GABRR3: variants seen among roughly 807,000 people sequenced by gnomAD.
GABRR3 encodes gamma-aminobutyric acid receptor subunit rho-3.
Under a neutral mutation model 43.2 loss-of-function variants are expected in GABRR3, and 29 were observed. That is an observed-to-expected ratio of 0.67 (90% CI 0.50 to 0.92). The LOEUF is 0.92. GABRR3 is among the 40% of genes least tolerant of loss of function. The pLI is 0.00. For synonymous variants in GABRR3, 206 were observed against 195.9 expected (o/e 1.05, Z -0.43); for missense variants, 576 against 572.3 (o/e 1.01, Z -0.07).
At chr3:97,988,047 C>T (rs832101) in intron 9 of GABRR3, among the ~76,000 whole-genome samples, 21,490 of 151,902 alleles carry the variant, frequency 0.14, 1,917 homozygotes, top group South Asian at 0.27. Flanking sequence ...GCATACGATT[C>T]ATCCATGGCT....
rs910954177 is a variant in GABRR3, at chr3:98,025,451, C to CT, written c.238+115dup. The CT allele has an allele frequency of 1.2e-4, 74 of 627,904 alleles. 3 individuals carry two copies. The Middle Eastern group carries it at 0.01, about 88-fold the overall frequency. 38.9% of individuals were successfully genotyped at this position (627,904 alleles called of 1,614,324 possible). A position where few individuals can be genotyped will look rare whatever the true frequency, so the allele number is the denominator to read the frequency against. On this transcript the variant is annotated intron_variant, in intron 3 of 9. Transcript: ENST00000621172. ...AAGAGAAGGTGATTGTAAAAGCCTTCTTTTTTTGTTTTAAACTGATGGACT... is the reference window on the plus strand; with the variant it reads ...AAGAGAAGGTGATTGTAAAAGCCTTCTTTTTTTTGTTTTAAACTGATGGACT...
chr3:98,004,429 A>G (rs1209208115), intron 7 of GABRR3, among the ~76,000 whole-genome samples: 3 of 152,196 alleles, frequency 2.0e-5, no homozygotes, highest in Admixed American at 6.5e-5. Flanking sequence ...TGATAGAGAC[A>G]GGGTTTGAAC....
At chr3:98,025,367 T>C (rs770724663) in intron 3 of GABRR3, among the ~76,000 whole-genome samples, 200 bp downstream of exon 3, 2 of 152,260 alleles carry the variant, frequency 1.3e-5, no homozygotes, top group African/African-American at 2.4e-5. Context: ...GTGTGCATAG[T>C]AGGAAAATGA....
At chr3:98,031,582 C>CA (rs905840325) in intron 2 of GABRR3, among the ~76,000 whole-genome samples, 1 of 151,378 alleles carries the variant, frequency 6.6e-6, no homozygotes, top group Non-Finnish European at 1.5e-5. Flanking sequence ...CAATCTCTAC[C>CA]AAAAAAATAT....
At chr3:98,000,964 C>T (rs1166313659) in intron 8 of GABRR3, 1 of 152,150 alleles carries the variant, frequency 6.6e-6, no homozygotes, top group Non-Finnish European at 1.5e-5. Flanking sequence ...AGGCATATAG[C>T]ATGTTAGACG....
At chr3:97,985,323 A>G (rs1706370011), downstream of GABRR3, among the ~76,000 whole-genome samples, 2 of 152,240 alleles carry the variant, frequency 1.3e-5, no homozygotes, top group Admixed American at 1.3e-4. Context: ...GACCTGGTTT[A>G]CTTGGTTCGA....
intron 8 of GABRR3, 130 bp from the exon 9 acceptor site, chr3:97,993,178 T>A: frequency 1.6e-6 from 1 of 626,128 alleles, no homozygotes; most frequent in Non-Finnish European, 2.6e-6. Flanking sequence ...GGAAGGTGTG[T>A]GCATGTTGAC....
intron 3 of GABRR3, among the ~76,000 whole-genome samples, chr3:98,018,720 T>A (rs1440552361): frequency 6.6e-6 from 1 of 152,214 alleles, no homozygotes; most frequent in Admixed American, 6.5e-5. Flanking sequence ...AACCTTATTG[T>A]CTCTATAGTC....
At chr3:98,010,412 T>C (rs1181266124) in intron 5 of GABRR3, among the ~76,000 whole-genome samples, 1 of 152,098 alleles carries the variant, frequency 6.6e-6, no homozygotes, top group Non-Finnish European at 1.5e-5. Flanking sequence ...AGTAGCCACA[T>C]AGTAATGACT....
intron 3 of GABRR3, among the ~76,000 whole-genome samples, chr3:98,023,416 GC>G (rs1022694987): frequency 6.6e-6 from 1 of 152,052 alleles, no homozygotes; most frequent in Non-Finnish European, 1.5e-5. Context: ...TGTGACTGGC[GC>G]CCCCTGGTGG....
intron 9 of GABRR3, among the ~76,000 whole-genome samples, chr3:97,990,768 G>A (rs963504229): frequency 4.0e-5 from 6 of 150,622 alleles, no homozygotes; most frequent in African/African-American, 1.5e-4. Context: ...TTAGAATGGT[G>A]GTTTCCAGGG....
intron 7 of GABRR3, 114 bp downstream of exon 7, chr3:98,007,650 G>A: frequency 9.1e-7 from 1 of 1,104,566 alleles, no homozygotes; most frequent in South Asian, 1.4e-5. Context: ...AGGAATGATG[G>A]TGCTGGCCAA....
chr3:98,001,813 G>A (rs1260559225), intron 7 of GABRR3, 46 bp from the exon 8 acceptor site: 1 of 1,606,218 alleles, frequency 6.2e-7, no homozygotes, highest in Non-Finnish European at 8.5e-7. Flanking sequence ...CTTCCCCTTA[G>A]AAACACTGCA....
chr3:97,992,439 C>A (rs1215072028), intron 9 of GABRR3, among the ~76,000 whole-genome samples: 1 of 152,114 alleles, frequency 6.6e-6, no homozygotes, highest in African/African-American at 2.4e-5. Context: ...AAAATACTGA[C>A]CTTGGTGTGA....
intron 2 of GABRR3, among the ~76,000 whole-genome samples, chr3:98,034,616 C>G (rs1300930726): frequency 6.6e-6 from 1 of 151,972 alleles, no homozygotes; most frequent in Admixed American, 6.6e-5. Flanking sequence ...TTACATGAAC[C>G]CTTTAACTGT....
chr3:98,013,105 A>G (rs780635847), intron 4 of GABRR3, among the ~76,000 whole-genome samples: 2 of 152,350 alleles, frequency 1.3e-5, no homozygotes, highest in East Asian at 3.9e-4. Flanking sequence ...CCTGGGACAG[A>G]GACAGAATCA....
intron 9 of GABRR3, among the ~76,000 whole-genome samples, chr3:97,987,624 CA>C (rs1170067240): frequency 2.6e-5 from 4 of 152,158 alleles, no homozygotes; most frequent in African/African-American, 9.7e-5. Context: ...GCTGCCAAAA[CA>C]TGTCTTCGAT....
chr3:98,031,247 G>C (rs11923503), intron 2 of GABRR3, among the ~76,000 whole-genome samples: 37,195 of 152,164 alleles, frequency 0.24, 4,824 homozygotes, highest in East Asian at 0.45. Flanking sequence ...GTCTCTGTCA[G>C]ATCACAAGCT....
At chr3:98,009,757 G>A (rs1246836109) in intron 5 of GABRR3, among the ~76,000 whole-genome samples, 1 of 152,164 alleles carries the variant, frequency 6.6e-6, no homozygotes, top group Admixed American at 6.5e-5. Context: ...AAAAACAAAG[G>A]CAACAGATGC....
Sources: gnomAD v4.1 joint callset for allele counts (sites outside exome capture counted in the v4.1 genomes callset) on GRCh38, gnomAD v4.1.1 for gene constraint, MANE v1.5 for transcripts, NCBI Gene and HGNC (gene_info 2026-07-23, HGNC 2026-07-21) for gene names.